Variants in SRPK2 observed in about 807,000 individuals in gnomAD.
SRPK2 encodes SRSF protein kinase 2.
SRPK2 carries 21 observed loss-of-function variants against 90.8 expected under a neutral mutation model. The ratio of observed to expected loss-of-function variants is 0.23; its 90% CI spans 0.16 to 0.33. The LOEUF is 0.33. Ranked by LOEUF, SRPK2 falls within the 10% of genes least tolerant of loss-of-function variation. The pLI is 1.00. For missense variants in SRPK2, 620 were observed against 869.0 expected, an observed-to-expected ratio of 0.71 and a Z score of 3.60; for synonymous variants, 288 against 311.1, an observed-to-expected ratio of 0.93 and a Z score of 0.78.
intron 2 of SRPK2, among the ~76,000 whole-genome samples, chr7:105,279,075 G>T (rs369738834): frequency 3.9e-4 from 60 of 152,106 alleles, no homozygotes; most frequent in East Asian, 1.7e-3. Context: ...TTCCTTAAAC[G>T]TAGCCTTTGC....
At chr7:105,340,626 T>C (rs1288300709) in intron 2 of SRPK2, among the ~76,000 whole-genome samples, 1 of 152,068 alleles carries the variant, frequency 6.6e-6, no homozygotes, top group Non-Finnish European at 1.5e-5. Flanking sequence ...TGTCTTTTTG[T>C]AGAGACTAGG....
At chr7:105,294,480 T>C (rs1005701819) in intron 2 of SRPK2, among the ~76,000 whole-genome samples, 2 of 151,976 alleles carry the variant, frequency 1.3e-5, no homozygotes, top group Admixed American at 1.3e-4. Flanking sequence ...GGGAAAGCTA[T>C]GCCTGGATCT....
intron 2 of SRPK2, among the ~76,000 whole-genome samples, chr7:105,242,822 C>T (rs929675057): frequency 2.0e-5 from 3 of 152,150 alleles, no homozygotes; most frequent in Admixed American, 6.5e-5. Context: ...GATCTCCAAT[C>T]CTTAAAGTGA....
intron 2 of SRPK2, among the ~76,000 whole-genome samples, chr7:105,342,729 C>T (rs1815974758): frequency 6.6e-6 from 1 of 152,170 alleles, no homozygotes; most frequent in Admixed American, 6.6e-5. Context: ...TACATGCTCT[C>T]CCTAACTTTG....
At chr7:105,118,387 G>T (rs1006622594) in intron 15 of SRPK2, among the ~76,000 whole-genome samples, 2 of 152,122 alleles carry the variant, frequency 1.3e-5, no homozygotes, top group Admixed American at 1.3e-4. Context: ...CAAACTTGAG[G>T]CCAACCCAAA....
chr7:105,269,060 C>G, intron 2 of SRPK2: 1 of 1,263,276 alleles, frequency 7.9e-7, no homozygotes, highest in Non-Finnish European at 1.0e-6. Flanking sequence ...CCTTGCTAAA[C>G]TATGCACATG....
At chr7:105,183,972 C>T (rs1260626288) in intron 3 of SRPK2, among the ~76,000 whole-genome samples, 1 of 117,754 alleles carries the variant, frequency 8.5e-6, no homozygotes, top group African/African-American at 3.2e-5. Context: ...ACACTATTAC[C>T]AATTTTTTTT....
chr7:105,218,424 A>C (rs777556283), intron 2 of SRPK2, among the ~76,000 whole-genome samples: 45 of 152,208 alleles, frequency 3.0e-4, no homozygotes, highest in Non-Finnish European at 5.3e-4. Flanking sequence ...TGACTGATAC[A>C]CACCCATGGT....
At chr7:105,195,742 C>CT (rs1442232681) in intron 3 of SRPK2, among the ~76,000 whole-genome samples, 4 of 152,232 alleles carry the variant, frequency 2.6e-5, no homozygotes, top group Admixed American at 1.3e-4. Context: ...AACATTCTTC[C>CT]TTTTAGCCCT....
chr7:105,167,964 G>T, intron 5 of SRPK2, 44 bp downstream of exon 5: 1 of 1,462,428 alleles, frequency 6.8e-7, no homozygotes, highest in Non-Finnish European at 9.3e-7. Flanking sequence ...AAAATTTTAA[G>T]TCATTAAGTT....
chr7:105,235,427 A>T (rs1372343520), intron 2 of SRPK2, among the ~76,000 whole-genome samples: 1 of 151,826 alleles, frequency 6.6e-6, no homozygotes. Flanking sequence ...AGTTTTCTGA[A>T]ATGCAGCATT....
chr7:105,215,877 G>C (rs1015747890), intron 2 of SRPK2, among the ~76,000 whole-genome samples: 2 of 151,962 alleles, frequency 1.3e-5, no homozygotes, highest in African/African-American at 4.8e-5. Flanking sequence ...AAGTTTTTTG[G>C]GGGGGTGATA....
chr7:105,172,667 G>A (rs559138421), intron 3 of SRPK2, among the ~76,000 whole-genome samples: 14 of 152,208 alleles, frequency 9.2e-5, no homozygotes, highest in African/African-American at 2.9e-4. Context: ...TGAAGTACTA[G>A]GTTCACGGCT....
chr7:105,172,192 C>A (rs1307573882), intron 3 of SRPK2, among the ~76,000 whole-genome samples: 1 of 152,178 alleles, frequency 6.6e-6, no homozygotes, highest in Admixed American at 6.5e-5. Context: ...CTGCGCCCAG[C>A]CTACAATACA....
intron 2 of SRPK2, among the ~76,000 whole-genome samples, chr7:105,251,988 T>C (rs1184202060): frequency 1.3e-5 from 2 of 152,350 alleles, no homozygotes; most frequent in East Asian, 3.9e-4. Flanking sequence ...CTATATTAAT[T>C]TATCTTTCCC....
intron 2 of SRPK2, among the ~76,000 whole-genome samples, chr7:105,279,815 C>T (rs1464203153): frequency 3.9e-5 from 6 of 152,152 alleles, no homozygotes; most frequent in Non-Finnish European, 8.8e-5. Context: ...GCCTCTTTTA[C>T]CCTGACTCTG....
intron 2 of SRPK2, among the ~76,000 whole-genome samples, chr7:105,246,268 A>T (rs1181602660): frequency 6.6e-6 from 1 of 152,230 alleles, no homozygotes; most frequent in African/African-American, 2.4e-5. Flanking sequence ...ATAAACCAAA[A>T]GGAATATTTA....
intron 2 of SRPK2, among the ~76,000 whole-genome samples, chr7:105,236,242 A>T (rs572515735): frequency 6.6e-6 from 1 of 152,354 alleles, no homozygotes; most frequent in East Asian, 1.9e-4. Context: ...GGAGTTTAGG[A>T]CAGGGAAATG....
At chr7:105,268,749 G>C in intron 2 of SRPK2, 1 of 1,535,062 alleles carries the variant, frequency 6.5e-7, no homozygotes, top group South Asian at 1.2e-5. Context: ...ATATGTCCTG[G>C]TTTGTTTCTT....
Sources: gnomAD v4.1 joint callset for allele counts (sites outside exome capture counted in the v4.1 genomes callset) on GRCh38, gnomAD v4.1.1 for gene constraint, MANE v1.5 for transcripts, NCBI Gene and HGNC (gene_info 2026-07-23, HGNC 2026-07-21) for gene names.